The following CEP63 variants were observed in gnomAD, a reference collection of about 807,000 sequenced individuals.
CEP63 encodes the protein centrosomal protein of 63 kDa.
Under a neutral mutation model 89.1 loss-of-function variants are expected in CEP63, and 84 were observed. The ratio of observed to expected loss-of-function variants is 0.94; its 90% confidence interval spans 0.79 to 1.13. The LOEUF is 1.13. CEP63 is among the 50% of genes most tolerant of loss of function. The pLI, the probability that CEP63 is intolerant of heterozygous loss-of-function variation, is 0.00. For synonymous variants in CEP63, 267 were observed against 272.5 expected, an observed-to-expected ratio of 0.98 and a Z score of 0.20; for missense variants, 838 against 813.3, an observed-to-expected ratio of 1.03 and a Z score of -0.37.
chr3:134,678,303 A>G, the CEP63 span, among the ~76,000 whole-genome samples: 5 of 151,910 alleles, frequency 3.3e-5, no homozygotes, highest in South Asian at 1.0e-3. Flanking sequence ...ACTTTTCTGG[A>G]CACCCCACTC....
At chr3:134,597,262 C>A in the CEP63 span, among the ~76,000 whole-genome samples, 1 of 152,180 alleles carries the variant, frequency 6.6e-6, no homozygotes, top group African/African-American at 2.4e-5. Context: ...AAAGAAGCTG[C>A]CTTTCATCAA....
At chr3:134,723,618 G>A in the CEP63 span, among the ~76,000 whole-genome samples, 6 of 152,202 alleles carry the variant, frequency 3.9e-5, no homozygotes, top group Admixed American at 6.5e-5. Flanking sequence ...GATTTCAGTG[G>A]GTATGAGAAG....
At chr3:134,673,863 G>A in the CEP63 span, among the ~76,000 whole-genome samples, 3 of 152,168 alleles carry the variant, frequency 2.0e-5, no homozygotes, top group Non-Finnish European at 2.9e-5. Flanking sequence ...GTGAGCACCC[G>A]TATTTTTGCT....
At chr3:134,537,103 G>T in intron 5 of CEP63, 52 bp from the exon 6 acceptor site, 1 of 1,084,404 alleles carries the variant, frequency 9.2e-7, no homozygotes. Context: ...CTGGGAAGTA[G>T]TGACAGTGAG....
At chr3:134,555,348 C>T (rs564549173) in intron 12 of CEP63, among the ~76,000 whole-genome samples, 4 of 152,170 alleles carry the variant, frequency 2.6e-5, no homozygotes, top group South Asian at 4.2e-4. Flanking sequence ...TCTTTGCAGA[C>T]GACATGATTG....
chr3:134,765,595 A>AG, the CEP63 span, among the ~76,000 whole-genome samples: 3 of 152,218 alleles, frequency 2.0e-5, no homozygotes, highest in African/African-American at 7.2e-5. Flanking sequence ...TTCCAGGTGA[A>AG]GGGGAGAGCA....
At chr3:134,707,742 T>TTC in the CEP63 span, among the ~76,000 whole-genome samples, 1 of 145,858 alleles carries the variant, frequency 6.9e-6, no homozygotes, top group Non-Finnish European at 1.5e-5. Context: ...TTCTTTTCTT[T>TTC]TTTTTTTTTT....
the CEP63 span, among the ~76,000 whole-genome samples, chr3:134,695,550 G>T: frequency 6.6e-6 from 1 of 152,228 alleles, no homozygotes; most frequent in Non-Finnish European, 1.5e-5. Context: ...ATCCTGGCAG[G>T]TGACGGCTAT....
the CEP63 span, among the ~76,000 whole-genome samples, chr3:134,684,579 A>G: frequency 1.3e-5 from 2 of 152,216 alleles, no homozygotes; most frequent in African/African-American, 4.8e-5. Context: ...GGAATTCACC[A>G]TCCTGCAAAG....
At chr3:134,722,953 C>T in the CEP63 span, among the ~76,000 whole-genome samples, 2 of 152,198 alleles carry the variant, frequency 1.3e-5, no homozygotes, top group Non-Finnish European at 2.9e-5. Flanking sequence ...CAAGCCTTTT[C>T]CAGATGGACA....
intron 3 of CEP63, among the ~76,000 whole-genome samples, chr3:134,524,592 G>A (rs1280990061): frequency 6.6e-6 from 1 of 152,138 alleles, no homozygotes; most frequent in Non-Finnish European, 1.5e-5. Flanking sequence ...TAACATGGAA[G>A]GGTGTTGAAT....
At position 134,550,201 on chromosome 3, in the gene CEP63, AT is replaced by A; in HGVS notation, c.1322del (p.Met441ArgfsTer17). On this transcript the variant is annotated frameshift_variant, in exon 11 of 15. Transcript: ENST00000675561. LOFTEE classifies it high-confidence loss of function. ...IASTKGSSSD[M>X]EKRLRAEMQK... ...TTCCACCAAAGGTTCTTCCTCAGAC[AT>A]GGAAAAGCGACTCAGAGCAGAGATG... 1 of 1,613,836 alleles carries A rather than the reference AT, an allele frequency of 6.2e-7. No individual in the cohort carries two copies. Among genetic ancestry groups the A allele is most frequent in the South Asian group, 1.1e-5 (1 of 91,078 alleles).
At chr3:134,760,090 G>C in the CEP63 span, among the ~76,000 whole-genome samples, 1 of 136,254 alleles carries the variant, frequency 7.3e-6, no homozygotes, top group African/African-American at 2.8e-5. Flanking sequence ...ACGGAGTCTC[G>C]CTCTGTCGCC....
chr3:134,550,106 C>A lies in CEP63; in HGVS notation c.1226C>A (p.Ala409Glu). 6.2e-7 allele frequency: 1 copy of A among 1,613,884 alleles called. No individual in the cohort carries two copies. The highest frequency in any genetic ancestry group is 8.5e-7 in the Non-Finnish European group (1 of 1,179,816). The change falls in exon 11 of 15, where the codon GCA becomes GAA. Residue 409 changes from alanine to glutamate, a missense_variant. Coordinates refer to ENST00000675561, the MANE Select transcript of CEP63 (RefSeq NM_001353108.3). ...CAGGGTGAACAAAGTTACAGTTCTGCACTAGAAGGAATGAAGATGGAAATC... is the reference window on the plus strand; with the variant it reads ...CAGGGTGAACAAAGTTACAGTTCTGAACTAGAAGGAATGAAGATGGAAATC... Reference protein sequence around the residue: ...ILQGEQSYSSALEGMKMEISH... With the variant: ...ILQGEQSYSSELEGMKMEISH...
the CEP63 span, among the ~76,000 whole-genome samples, chr3:134,615,672 G>A: frequency 1.9e-4 from 29 of 150,188 alleles, no homozygotes; most frequent in Non-Finnish European, 4.1e-4. Context: ...TAAGGGTGGG[G>A]GAGCTAAGAT....
the CEP63 span, among the ~76,000 whole-genome samples, chr3:134,761,000 G>A: frequency 6.6e-6 from 1 of 150,706 alleles, no homozygotes; most frequent in Non-Finnish European, 1.5e-5. Flanking sequence ...AAAACATGTT[G>A]CTCAAAAGAC....
Position 134,486,120 on chromosome 3 carries a change from G to C in CEP63, c.-108G>C, listed in dbSNP as rs984876639. On this transcript the variant is annotated 5_prime_UTR_variant, in exon 1 of 15. Coordinates refer to ENST00000675561, the MANE Select transcript of CEP63 (RefSeq NM_001353108.3). ...ATTGTTTCAATTATTAAAAGTGTGG[G>C]GGCAGTGGGCGGAACAAACGCGCCG... 1 of 985,452 alleles carries C rather than the reference G, an allele frequency of 1.0e-6. No homozygotes were observed. Among genetic ancestry groups the C allele is most frequent in the Non-Finnish European group, 1.2e-6 (1 of 830,030 alleles). 61.0% of individuals were successfully genotyped at this position (985,452 alleles called of 1,614,324 possible). A position where few individuals can be genotyped will look rare whatever the true frequency, so the allele number is the denominator to read the frequency against.
At chr3:134,779,713 A>G in the CEP63 span, 4 of 152,156 alleles carry the variant, frequency 2.6e-5, no homozygotes, top group East Asian at 5.8e-4. Context: ...TACCTCCTCC[A>G]TGTGTTCTTC....
At chr3:134,699,763 T>A in the CEP63 span, among the ~76,000 whole-genome samples, 2 of 152,230 alleles carry the variant, frequency 1.3e-5, no homozygotes, top group Non-Finnish European at 2.9e-5. Context: ...CAACCTTGAC[T>A]GTCATCCTGG....
Sources: gnomAD v4.1 joint callset for allele counts (sites outside exome capture counted in the v4.1 genomes callset) on GRCh38, gnomAD v4.1.1 for gene constraint, MANE v1.5 for transcripts, NCBI Gene and HGNC (gene_info 2026-07-23, HGNC 2026-07-21) for gene names.